CALCA: variants seen among roughly 807,000 people sequenced by gnomAD.
The protein encoded by CALCA is calcitonin related polypeptide alpha, also known as calcitonin.
In CALCA, 4 loss-of-function variants were observed where a neutral mutation model predicts 6.9. The ratio of observed to expected loss-of-function variants is 0.58; its 90% CI spans 0.29 to 1.33. The LOEUF is 1.33. Among genes scored for constraint, CALCA ranks in the 40% most tolerant of loss-of-function variants. The pLI is 0.09. For synonymous variants in CALCA, 78 were observed against 70.0 expected (o/e 1.11, Z -0.57); for missense variants, 174 against 178.3 (o/e 0.98, Z 0.14).
downstream of CALCA, chr11:14,967,624 T>A (rs2644687): frequency 6.2e-7 from 1 of 1,605,276 alleles, no homozygotes; most frequent in Non-Finnish European, 8.5e-7. Context: ...TTTACACCCC[T>A]GTAAAAACCA....
At chr11:14,967,621 C>A (rs1348606887), downstream of CALCA, 3 of 1,599,166 alleles carry the variant, frequency 1.9e-6, no homozygotes, top group East Asian at 6.7e-5. Flanking sequence ...GGTTTTACAC[C>A]CCTGTAAAAA....
At chr11:14,967,557 G>A (rs543018594), downstream of CALCA, 22 of 1,207,222 alleles carry the variant, frequency 1.8e-5, no homozygotes, top group African/African-American at 7.5e-5. Flanking sequence ...ACTGGTGTGG[G>A]TACCTTCCCT....
At chr11:14,971,956 C>G (rs1168065672) in intron 1 of CALCA, among the ~76,000 whole-genome samples, 1 of 152,194 alleles carries the variant, frequency 6.6e-6, no homozygotes, top group Non-Finnish European at 1.5e-5. Context: ...GCCTCAGGCT[C>G]TGTGCGCGGT....
Position 14,968,865 on chromosome 11 carries a change from C to A in CALCA, c.360G>T (p.Arg120Ser), listed in dbSNP as rs782365569. ...CTCTCTCCAAGTCGCTGGACATATC[C>A]CTTTTCTTTCCAGGTGCTCCAACCC... ...AIGVGAPGKK[R>S]DMSSDLERDH... The change falls in exon 4 of 4, where the codon AGG becomes AGT. Residue 120 changes from arginine (R) to serine (S), a missense_variant. Coordinates refer to ENST00000331587, the MANE Select transcript of CALCA (RefSeq NM_001741.3). The A allele has an allele frequency of 6.2e-7, 1 of 1,614,140 alleles. No homozygotes were observed. The highest frequency in any genetic ancestry group is 1.1e-5 in the South Asian group (1 of 91,082).
chr11:14,967,632 C>T, downstream of CALCA: 7 of 1,610,744 alleles, frequency 4.3e-6, no homozygotes, highest in Non-Finnish European at 5.9e-6. Flanking sequence ...CCTGTAAAAA[C>T]CAGTCATTCA....
intron 3 of CALCA, 56 bp from the exon 4 acceptor site, chr11:14,969,053 C>T (rs1259969695): frequency 1.9e-6 from 3 of 1,548,332 alleles, no homozygotes; most frequent in Non-Finnish European, 8.9e-7. Context: ...TCCCCATGGG[C>T]AGTCACTTAG....
intron 3 of CALCA, among the ~76,000 whole-genome samples, 180 bp downstream of exon 3, chr11:14,969,755 C>T (rs561131147): frequency 1.3e-5 from 2 of 152,186 alleles, no homozygotes; most frequent in South Asian, 2.1e-4. Context: ...ACGGTACCTC[C>T]AGCTGCAGTG....
chr11:14,970,099 T>G, intron 2 of CALCA, 24 bp from the exon 3 acceptor site: 1 of 1,613,726 alleles, frequency 6.2e-7, no homozygotes, highest in Non-Finnish European at 8.5e-7. Flanking sequence ...GCAAACTCAG[T>G]GCAGGCTGTG....
Position 14,972,281 on chromosome 11 carries a change from C to T in CALCA, c.-46G>A. The T allele has an allele frequency of 6.4e-6, 1 of 155,068 alleles. No homozygotes were observed. Among genetic ancestry groups the T allele is most frequent in the Non-Finnish European group, 1.4e-5 (1 of 69,674 alleles). 9.6% of individuals were successfully genotyped at this position (155,068 alleles called of 1,614,324 possible). A position where few individuals can be genotyped will look rare whatever the true frequency, so the allele number is the denominator to read the frequency against. ...TGGCTTGGATCAGAGGCGGTGGCAG[C>T]GGCGGCGGCGGCGTCCAGCCAGAGC... On this transcript the variant is annotated 5_prime_UTR_variant, in exon 1 of 4. Transcript: ENST00000331587.
chr11:14,967,756 A>G (rs1555025652), downstream of CALCA: 1 of 1,614,148 alleles, frequency 6.2e-7, no homozygotes, highest in Non-Finnish European at 8.5e-7. Context: ...GGTGGGCACA[A>G]AGTTGTTCTT....
chr11:14,969,888 T>C, intron 3 of CALCA, 47 bp downstream of exon 3: 2 of 1,612,078 alleles, frequency 1.2e-6, no homozygotes, highest in Non-Finnish European at 1.7e-6. Flanking sequence ...TTCCTGTGTA[T>C]GCTGCGGGGA....
downstream of CALCA, chr11:14,968,415 A>G (rs1555025775): frequency 1.7e-6 from 2 of 1,166,972 alleles, no homozygotes; most frequent in Admixed American, 3.8e-5. Flanking sequence ...CAGCTAGCCT[A>G]GGGTTAAGGC....
Position 14,968,938 on chromosome 11 carries a change from T to G in CALCA, c.287A>C (p.Tyr96Ser). ...GNLSTCMLGT[Y>S]TQDFNKFHTF... Reference sequence around the variant, plus strand: ...GTGAAACTTGTTGAAGTCCTGCGTGTATGTGCCCAGCATGCAAGTACTCAG... The same window carrying G: ...GTGAAACTTGTTGAAGTCCTGCGTGGATGTGCCCAGCATGCAAGTACTCAG... The change falls in exon 4 of 4, where the codon TAC becomes TCC. Residue 96 changes from tyrosine to serine, a missense_variant. Coordinates refer to ENST00000331587, the MANE Select transcript of CALCA (RefSeq NM_001741.3). 1.9e-6 allele frequency: 3 copies of G among 1,614,072 alleles called. No homozygotes were observed. Among genetic ancestry groups the G allele is most frequent in the Non-Finnish European group, 2.5e-6 (3 of 1,180,034 alleles).
intron 2 of CALCA, 91 bp downstream of exon 2, chr11:14,971,016 C>T (rs1849589724): frequency 5.9e-6 from 6 of 1,016,898 alleles, no homozygotes; most frequent in Admixed American, 3.4e-5. Flanking sequence ...TTACCCCGGC[C>T]CCCTGTCGGT....
Position 14,968,674 on chromosome 11 carries a change from G to C in CALCA, c.*125C>G. On this transcript the variant is annotated 3_prime_UTR_variant, in exon 4 of 4. Transcript: ENST00000331587. The stretch of plus-strand genomic sequence containing the variant: ...CTCTTTCCTCCCATCTGAAGTTTGA[G>C]ACATCCTCTGCCACAAGGAAAGCCA... The C allele has an allele frequency of 1.2e-6, 2 of 1,608,196 alleles. No individual in the cohort carries two copies. The highest frequency in any genetic ancestry group is 1.7e-6 in the Non-Finnish European group (2 of 1,177,666).
At chr11:14,967,927 C>A (rs1313661506), downstream of CALCA, 14 of 1,566,312 alleles carry the variant, frequency 8.9e-6, no homozygotes, top group Admixed American at 1.0e-4. Flanking sequence ...CCCCATGGGA[C>A]CTTCATGGTA....
Position 14,970,204 on chromosome 11 carries a change from G to A in CALCA, c.87-129C>T, listed in dbSNP as rs1849568027. On this transcript the variant is annotated intron_variant, in intron 2 of 3. Transcript: ENST00000331587. Reference sequence around the variant, plus strand: ...TGGCCAGCGGGAGTCCTAGGGGACAGGGCACAAGGCCAGTGTCCTCCTCAG... The same window carrying A: ...TGGCCAGCGGGAGTCCTAGGGGACAAGGCACAAGGCCAGTGTCCTCCTCAG... The A allele has an allele frequency of 2.2e-6, 3 of 1,338,122 alleles. No individual in the cohort carries two copies. In the Admixed American group the frequency reaches 6.3e-5, roughly 28 times the overall value. 82.9% of individuals were successfully genotyped at this position (1,338,122 alleles called of 1,614,324 possible). A position where few individuals can be genotyped will look rare whatever the true frequency, so the allele number is the denominator to read the frequency against.
At chr11:14,968,284 C>G (rs1034966837), downstream of CALCA, 16 of 350,920 alleles carry the variant, frequency 4.6e-5, no homozygotes, top group South Asian at 5.0e-4. Context: ...ATTCCTCAGT[C>G]TTACCTGGAA....
At chr11:14,969,868 G>A (rs1849551626) in intron 3 of CALCA, 67 bp downstream of exon 3, 34 of 1,609,504 alleles carry the variant, frequency 2.1e-5, no homozygotes, top group East Asian at 6.7e-5. Context: ...CCTACCTCTC[G>A]GGATCCACCT....
Sources: gnomAD v4.1 joint callset for allele counts (sites outside exome capture counted in the v4.1 genomes callset) on GRCh38, gnomAD v4.1.1 for gene constraint, MANE v1.5 for transcripts, NCBI Gene and HGNC (gene_info 2026-07-23, HGNC 2026-07-21) for gene names.